Variants in ARL8B observed in about 807,000 individuals in gnomAD.
ARL8B encodes ARF like GTPase 8B, also known as ADP-ribosylation factor-like protein 8B.
Under a neutral mutation model 30.6 loss-of-function variants are expected in ARL8B, and 9 were observed. The observed-to-expected ratio is 0.29, with a 90% CI of 0.18 to 0.51. The LOEUF is 0.51. Ranked by LOEUF, ARL8B falls within the 20% of genes least tolerant of loss-of-function variation. The probability of loss-of-function intolerance (pLI) is 0.97; values close to 1 mark genes in which losing one functional copy is unlikely to be tolerated. For synonymous variants in ARL8B, 74 were observed against 76.0 expected (o/e 0.97, Z 0.14); for missense variants, 130 against 227.2 (o/e 0.57, Z 2.75).
intron 1 of ARL8B, among the ~76,000 whole-genome samples, chr3:5,138,245 T>A (rs2054344538): frequency 6.6e-6 from 1 of 150,742 alleles, no homozygotes; most frequent in Non-Finnish European, 1.5e-5. Context: ...ATTTACAACC[T>A]CTCAATTTAT....
At chr3:5,164,258 C>A (rs1334722115) in intron 1 of ARL8B, among the ~76,000 whole-genome samples, 1 of 152,124 alleles carries the variant, frequency 6.6e-6, no homozygotes, top group African/African-American at 2.4e-5. Flanking sequence ...AACTAATTGT[C>A]AGAATTCTTT....
chr3:5,163,437 CAG>C (rs1453823890), intron 1 of ARL8B, among the ~76,000 whole-genome samples: 4 of 152,010 alleles, frequency 2.6e-5, no homozygotes, highest in African/African-American at 4.8e-5. Flanking sequence ...GCATATAAAA[CAG>C]ATCAAATTAT....
intron 1 of ARL8B, among the ~76,000 whole-genome samples, chr3:5,135,696 A>T (rs1357560087): frequency 2.0e-5 from 3 of 151,476 alleles, no homozygotes; most frequent in Admixed American, 1.3e-4. Flanking sequence ...TGACGTTGTG[A>T]TCTGCCTGCC....
chr3:5,128,892 A>G (rs1380204305), intron 1 of ARL8B, among the ~76,000 whole-genome samples: 6 of 151,590 alleles, frequency 4.0e-5, no homozygotes, highest in Admixed American at 3.9e-4. Flanking sequence ...TTTAATTGTT[A>G]CAGTGTATGC....
At chr3:5,158,034 G>A (rs111764814) in intron 1 of ARL8B, among the ~76,000 whole-genome samples, 7 of 152,056 alleles carry the variant, frequency 4.6e-5, no homozygotes, top group African/African-American at 1.7e-4. Flanking sequence ...GGAGTGCAAT[G>A]GAGCGATCTC....
At chr3:5,171,869 A>G (rs867856165) in intron 2 of ARL8B, among the ~76,000 whole-genome samples, 5 of 152,364 alleles carry the variant, frequency 3.3e-5, no homozygotes, top group Middle Eastern at 6.8e-3. Context: ...TAATAGAAGT[A>G]TATTAGTTAA....
chr3:5,122,575 T>C lies in ARL8B; in HGVS notation c.110T>C (p.Val37Ala). 1 of 1,603,280 alleles carries C rather than the reference T, an allele frequency of 6.2e-7. No homozygotes were observed. Among genetic ancestry groups the C allele is most frequent in the Non-Finnish European group, 8.5e-7 (1 of 1,173,170 alleles). The change falls in exon 1 of 7, where the codon GTC (valine) becomes GCC (alanine). Residue 37 changes from valine (V) to alanine (A), a missense_variant. By Grantham distance (64) the Val-to-Ala change is moderately conservative (BLOSUM62 0). Coordinates refer to ENST00000256496, the MANE Select transcript of ARL8B (RefSeq NM_018184.3). ...CAGTACTCGGGCAAGACCACCTTCG[T>C]CAATGTCATCGCGGTGAGCGCCCGC... is the stretch of plus-strand genomic sequence containing the variant. ...GLQYSGKTTF[V>A]NVIASGQFSE...
intron 1 of ARL8B, among the ~76,000 whole-genome samples, chr3:5,163,252 G>A (rs1296947137): frequency 3.9e-5 from 6 of 152,126 alleles, no homozygotes; most frequent in African/African-American, 9.7e-5. Flanking sequence ...CTCGAAAAGT[G>A]CTGTGATTAC....
At chr3:5,154,335 A>G (rs1428235098) in intron 1 of ARL8B, among the ~76,000 whole-genome samples, 1 of 151,134 alleles carries the variant, frequency 6.6e-6, no homozygotes, top group Non-Finnish European at 1.5e-5. Flanking sequence ...GTGGTAAAAT[A>G]ACTTTTTTTT....
At chr3:5,128,272 G>A (rs1422173816) in intron 1 of ARL8B, among the ~76,000 whole-genome samples, 1 of 151,994 alleles carries the variant, frequency 6.6e-6, no homozygotes, top group Non-Finnish European at 1.5e-5. Context: ...AAGAAAATGG[G>A]CTGTGGTTCA....
At chr3:5,178,237 G>T (rs2054746766) in intron 6 of ARL8B, among the ~76,000 whole-genome samples, 1 of 142,886 alleles carries the variant, frequency 7.0e-6, no homozygotes, top group African/African-American at 2.6e-5. Flanking sequence ...TTCTTTTGCT[G>T]TTTTTTTTTT....
chr3:5,170,462 A>G (rs1304434103), intron 1 of ARL8B, 41 bp from the exon 2 acceptor site: 1 of 1,391,078 alleles, frequency 7.2e-7, no homozygotes, highest in Middle Eastern at 1.8e-4. Flanking sequence ...CAGTGTCATT[A>G]TAAGTGAGTA....
At chr3:5,169,899 T>C (rs1361586966) in intron 1 of ARL8B, among the ~76,000 whole-genome samples, 1 of 152,234 alleles carries the variant, frequency 6.6e-6, no homozygotes, top group African/African-American at 2.4e-5. Context: ...GGAAGTTATT[T>C]GTACAGTTGG....
intron 1 of ARL8B, among the ~76,000 whole-genome samples, chr3:5,133,347 G>C (rs1020394459): frequency 5.9e-5 from 9 of 152,178 alleles, no homozygotes; most frequent in African/African-American, 2.4e-5. Flanking sequence ...CAGCAATATA[G>C]AGACCATCCG....
intron 1 of ARL8B, among the ~76,000 whole-genome samples, chr3:5,127,303 A>G (rs1399439352): frequency 6.6e-6 from 1 of 152,238 alleles, no homozygotes; most frequent in Non-Finnish European, 1.5e-5. Context: ...AGCTGAGGTT[A>G]GAACCATAGA....
chr3:5,152,860 T>G (rs749854062), intron 1 of ARL8B, among the ~76,000 whole-genome samples: 1 of 152,266 alleles, frequency 6.6e-6, no homozygotes, highest in Non-Finnish European at 1.5e-5. Flanking sequence ...TTCTGTCTTT[T>G]CATTGATGTG....
intron 1 of ARL8B, among the ~76,000 whole-genome samples, chr3:5,158,586 G>A (rs116454711): frequency 3.9e-5 from 6 of 152,204 alleles, no homozygotes; most frequent in Non-Finnish European, 7.3e-5. Flanking sequence ...GGTAACGTCA[G>A]AGTTGTTACC....
At position 5,180,321 on chromosome 3, in the gene ARL8B, T is replaced by G. The variant is rs1188492930; in HGVS notation, c.*1608T>G. 6.6e-6 allele frequency: 1 copy of G among 152,448 alleles called. No individual in the cohort carries two copies. Among genetic ancestry groups the G allele is most frequent in the Non-Finnish European group, 1.5e-5 (1 of 68,050 alleles). The allele number at this position is 152,448 out of a possible 1,614,324, so 9.4% of individuals were successfully genotyped here. A position where few individuals can be genotyped will look rare whatever the true frequency, so the allele number is the denominator to read the frequency against. ...CTTTTAAATTTCTCTTCTTATTCTTTGAAGCATGTTGCATACTACCCTGGT... is the reference window on the plus strand; with the variant it reads ...CTTTTAAATTTCTCTTCTTATTCTTGGAAGCATGTTGCATACTACCCTGGT... On this transcript the variant is annotated 3_prime_UTR_variant, in exon 7 of 7. Coordinates refer to ENST00000256496, the MANE Select transcript of ARL8B (RefSeq NM_018184.3).
intron 1 of ARL8B, among the ~76,000 whole-genome samples, chr3:5,154,959 T>C (rs576403324): frequency 6.6e-6 from 1 of 152,308 alleles, no homozygotes; most frequent in African/African-American, 2.4e-5. Context: ...GGTCTCGAAC[T>C]CCTGACCTCA....
Sources: gnomAD v4.1 joint callset for allele counts (sites outside exome capture counted in the v4.1 genomes callset) on GRCh38, gnomAD v4.1.1 for gene constraint, MANE v1.5 for transcripts, NCBI Gene and HGNC (gene_info 2026-07-23, HGNC 2026-07-21) for gene names.